The following NDST4 variants were observed in gnomAD, a reference collection of about 807,000 sequenced individuals.
NDST4 encodes N-deacetylase and N-sulfotransferase 4, also known as N-heparan sulfate sulfotransferase 4.
Under a neutral mutation model 100.8 loss-of-function variants are expected in NDST4, and 63 were observed. That is an observed-to-expected ratio of 0.62 (90% CI 0.51 to 0.77). The LOEUF (loss-of-function observed/expected upper bound fraction) is 0.77. Ranked by LOEUF, NDST4 falls within the 30% of genes least tolerant of loss-of-function variation. NDST4 has a pLI of 0.00. For synonymous variants in NDST4, 377 were observed against 361.8 expected (o/e 1.04, Z -0.48); for missense variants, 943 against 1,018.4 (o/e 0.93, Z 1.01).
intron 4 of NDST4, among the ~76,000 whole-genome samples, chr4:114,954,886 A>G (rs2018486): frequency 0.68 from 103,472 of 151,894 alleles, 35,323 homozygotes; most frequent in African/African-American, 0.71. Flanking sequence ...TTGTTCGAAC[A>G]TGTGTAGCCC....
intron 4 of NDST4, among the ~76,000 whole-genome samples, chr4:114,955,014 T>G (rs1032571966): frequency 2.0e-5 from 3 of 152,170 alleles, no homozygotes. Context: ...CTATGCTTCT[T>G]ATAAAGCCTG....
At chr4:114,968,496 C>CT (rs780061192) in intron 4 of NDST4, among the ~76,000 whole-genome samples, 2 of 152,074 alleles carry the variant, frequency 1.3e-5, no homozygotes, top group East Asian at 1.9e-4. Context: ...GATGAGCAAA[C>CT]TTTTTTTTGG....
chr4:115,098,263 G>T (rs751292591), intron 1 of NDST4, among the ~76,000 whole-genome samples: 2 of 152,048 alleles, frequency 1.3e-5, no homozygotes, highest in African/African-American at 4.8e-5. Flanking sequence ...AAGATAAAAA[G>T]GTCTTACTCA....
intron 11 of NDST4, among the ~76,000 whole-genome samples, chr4:114,836,733 C>T (rs111582971): frequency 0.016 from 2,438 of 152,202 alleles, 74 homozygotes; most frequent in African/African-American, 0.057. Context: ...TTCCATTCTC[C>T]CTGTCACATT....
At chr4:115,031,695 G>C (rs1305144632) in intron 2 of NDST4, among the ~76,000 whole-genome samples, 2 of 152,206 alleles carry the variant, frequency 1.3e-5, no homozygotes, top group Middle Eastern at 3.4e-3. Flanking sequence ...AAACAGAAGA[G>C]AGTGAAAAGT....
At chr4:115,108,057 A>C (rs1729866689) in intron 1 of NDST4, among the ~76,000 whole-genome samples, 1 of 152,094 alleles carries the variant, frequency 6.6e-6, no homozygotes, top group African/African-American at 2.4e-5. Context: ...CAGTACAGGG[A>C]ATCTCAATTG....
intron 2 of NDST4, among the ~76,000 whole-genome samples, chr4:115,060,224 G>A (rs77354006): frequency 0.012 from 1,848 of 152,006 alleles, 45 homozygotes; most frequent in African/African-American, 0.042. Flanking sequence ...TTCTTCATTT[G>A]TGCAGCCTAA....
chr4:115,018,320 A>T (rs150174037), intron 2 of NDST4, among the ~76,000 whole-genome samples: 3 of 152,110 alleles, frequency 2.0e-5, no homozygotes, highest in African/African-American at 7.2e-5. Context: ...AGTAGAATAG[A>T]GTTAAAATTC....
chr4:114,911,052 C>T (rs1190905798), intron 6 of NDST4, among the ~76,000 whole-genome samples: 4 of 152,130 alleles, frequency 2.6e-5, no homozygotes, highest in Admixed American at 2.0e-4. Context: ...TGTTTTAAAA[C>T]GTAATCTGAT....
chr4:114,912,595 A>G (rs1463562569), intron 6 of NDST4, among the ~76,000 whole-genome samples: 1 of 152,178 alleles, frequency 6.6e-6, no homozygotes, highest in East Asian at 1.9e-4. Context: ...ACCTTCAAAG[A>G]AAACTCAGAA....
At chr4:114,972,852 G>A (rs902104683) in intron 3 of NDST4, among the ~76,000 whole-genome samples, 7 of 152,106 alleles carry the variant, frequency 4.6e-5, no homozygotes, top group African/African-American at 1.7e-4. Flanking sequence ...AGAAAATTTT[G>A]TGGACTATTG....
intron 4 of NDST4, among the ~76,000 whole-genome samples, chr4:114,954,009 T>A (rs1288875479): frequency 6.6e-6 from 1 of 152,154 alleles, no homozygotes; most frequent in East Asian, 1.9e-4. Context: ...TTTCCCACTG[T>A]GATTTTATTT....
chr4:115,065,053 A>G (rs780797604), intron 2 of NDST4, among the ~76,000 whole-genome samples: 1 of 152,112 alleles, frequency 6.6e-6, no homozygotes, highest in Non-Finnish European at 1.5e-5. Context: ...CCAGGCTGAA[A>G]ACAATAGTGA....
At chr4:114,973,804 T>G (rs1048362782) in intron 3 of NDST4, among the ~76,000 whole-genome samples, 5 of 151,884 alleles carry the variant, frequency 3.3e-5, no homozygotes, top group African/African-American at 1.2e-4. Flanking sequence ...TATATTTGTG[T>G]AATTTGTATA....
At chr4:114,899,497 G>A (rs946655290) in intron 6 of NDST4, among the ~76,000 whole-genome samples, 12 of 151,940 alleles carry the variant, frequency 7.9e-5, no homozygotes, top group African/African-American at 2.7e-4. Context: ...ATATTAAGTT[G>A]AGAAAGTCTC....
chr4:115,078,756 C>T (rs1729241796), intron 1 of NDST4, among the ~76,000 whole-genome samples: 1 of 151,940 alleles, frequency 6.6e-6, no homozygotes, highest in Non-Finnish European at 1.5e-5. Flanking sequence ...CAGAGAATTG[C>T]TTGAACCCGG....
intron 2 of NDST4, among the ~76,000 whole-genome samples, chr4:115,070,266 C>A (rs1360043893): frequency 1.3e-5 from 2 of 152,128 alleles, no homozygotes; most frequent in Non-Finnish European, 2.9e-5. Flanking sequence ...TCTGCAGGAA[C>A]ATGGATGTAG....
intron 7 of NDST4, among the ~76,000 whole-genome samples, chr4:114,867,508 T>C (rs1724051621): frequency 6.6e-6 from 1 of 151,904 alleles, no homozygotes; most frequent in Admixed American, 6.6e-5. Flanking sequence ...ATAGTGAGAC[T>C]CTGGAGTGAC....
At position 114,914,885 on chromosome 4, in the gene NDST4, G is replaced by T. The variant is rs562940955; in HGVS notation, c.1536+20321C>A. Reference sequence around the variant, plus strand: ...CTTATTTTTACTCGTGCTATCGCCAGGCAGGGAATAGGTAACTTGGACTCA... The same window carrying T: ...CTTATTTTTACTCGTGCTATCGCCATGCAGGGAATAGGTAACTTGGACTCA... On this transcript the variant is annotated intron_variant, in intron 6 of 13. Transcript: ENST00000264363. Among the ~76,000 whole-genome samples, 7 of 152,148 alleles carry T rather than the reference G, an allele frequency of 4.6e-5. No homozygotes were observed. In the South Asian group the frequency reaches 1.4e-3, roughly 32 times the overall value.
Sources: gnomAD v4.1 joint callset for allele counts (sites outside exome capture counted in the v4.1 genomes callset) on GRCh38, gnomAD v4.1.1 for gene constraint, MANE v1.5 for transcripts, NCBI Gene and HGNC (gene_info 2026-07-23, HGNC 2026-07-21) for gene names.